The following LOC122539214 variants were observed in gnomAD, a reference collection of about 807,000 sequenced individuals.
At chr19:52,680,311 A>T in the LOC122539214 span, among the ~76,000 whole-genome samples, 2 of 152,158 alleles carry the variant, frequency 1.3e-5, no homozygotes, top group Admixed American at 1.3e-4. Context: ...GACTCTAGGT[A>T]CCTGTAGCTC....
chr19:52,653,309 A>G, the LOC122539214 span: 43 of 1,348,890 alleles, frequency 3.2e-5, no homozygotes, highest in Non-Finnish European at 4.4e-5. Context: ...CATTCATTAC[A>G]TGTGTAAGGT....
the LOC122539214 span, chr19:52,652,410 G>A: frequency 2.7e-6 from 1 of 365,084 alleles, no homozygotes; most frequent in Non-Finnish European, 5.3e-6. Flanking sequence ...ACCCCAGCCT[G>A]GACAAAAGAG....
At chr19:52,670,592 A>T in the LOC122539214 span, among the ~76,000 whole-genome samples, 1 of 152,212 alleles carries the variant, frequency 6.6e-6, no homozygotes, top group Non-Finnish European at 1.5e-5. Flanking sequence ...GAAAAGAGTC[A>T]AACTCTGTAA....
the LOC122539214 span, among the ~76,000 whole-genome samples, chr19:52,672,304 A>G: frequency 1.4e-4 from 22 of 152,342 alleles, no homozygotes; most frequent in African/African-American, 4.1e-4. Flanking sequence ...TTTTATGACT[A>G]TATCTGTAAG....
the LOC122539214 span, among the ~76,000 whole-genome samples, chr19:52,685,885 G>A: frequency 7.7e-6 from 1 of 129,632 alleles, no homozygotes; most frequent in African/African-American, 2.9e-5. Context: ...GGGAACAAGA[G>A]TGTAACTGTC....
At chr19:52,683,661 C>T in the LOC122539214 span, among the ~76,000 whole-genome samples, 1 of 152,188 alleles carries the variant, frequency 6.6e-6, no homozygotes, top group African/African-American at 2.4e-5. Context: ...GCTGAAGATG[C>T]AGGGTCTGGT....
chr19:52,652,965 C>T, the LOC122539214 span: 1 of 1,296,954 alleles, frequency 7.7e-7, no homozygotes, highest in Non-Finnish European at 1.1e-6. Context: ...TCTTGCCACA[C>T]TCATTACACC....
At chr19:52,662,732 G>T in the LOC122539214 span, among the ~76,000 whole-genome samples, 2 of 152,076 alleles carry the variant, frequency 1.3e-5, no homozygotes, top group African/African-American at 4.8e-5. Flanking sequence ...TACAGATGGG[G>T]GTCACTGAGG....
At chr19:52,687,610 TA>T in the LOC122539214 span, among the ~76,000 whole-genome samples, 16 of 30,016 alleles carry the variant, frequency 5.3e-4, no homozygotes, top group African/African-American at 6.2e-3. Flanking sequence ...TATATATATA[TA>T]ATGTGTATAT....
chr19:52,655,327 G>A, the LOC122539214 span: 11 of 406,472 alleles, frequency 2.7e-5, no homozygotes, highest in Non-Finnish European at 4.4e-5. Flanking sequence ...GCAGGATGAC[G>A]TTCAATTCTA....
chr19:52,668,975 TTATGTC>T, the LOC122539214 span, among the ~76,000 whole-genome samples: 1 of 152,204 alleles, frequency 6.6e-6, no homozygotes, highest in South Asian at 2.1e-4. Context: ...TAAGTTCACT[TTATGTC>T]CCTCATGACA....
At chr19:52,675,830 T>G in the LOC122539214 span, among the ~76,000 whole-genome samples, 2 of 152,152 alleles carry the variant, frequency 1.3e-5, no homozygotes, top group African/African-American at 4.8e-5. Flanking sequence ...TGGAACTAAT[T>G]TAGCAAATGG....
the LOC122539214 span, among the ~76,000 whole-genome samples, chr19:52,683,389 C>CT: frequency 6.6e-6 from 1 of 152,128 alleles, no homozygotes; most frequent in Non-Finnish European, 1.5e-5. Flanking sequence ...TGTTTGCACT[C>CT]TGATTCTTGG....
the LOC122539214 span, among the ~76,000 whole-genome samples, chr19:52,683,282 A>G: frequency 1.0e-3 from 86 of 85,746 alleles, no homozygotes; most frequent in South Asian, 2.5e-3. Context: ...GTGTGTGTGT[A>G]TGCTCACGTG....
the LOC122539214 span, chr19:52,653,423 T>C: frequency 1.2e-6 from 1 of 826,842 alleles, no homozygotes; most frequent in Non-Finnish European, 2.0e-6. Context: ...GTATGAACTC[T>C]GTTATGGCGT....
chr19:52,689,129 A>C, the LOC122539214 span, among the ~76,000 whole-genome samples: 1 of 152,200 alleles, frequency 6.6e-6, no homozygotes, highest in South Asian at 2.1e-4. Flanking sequence ...TATAGATTAC[A>C]CAACCTGTCA....
chr19:52,662,418 G>C, the LOC122539214 span, among the ~76,000 whole-genome samples: 1 of 152,170 alleles, frequency 6.6e-6, no homozygotes, highest in African/African-American at 2.4e-5. Flanking sequence ...TCAGGGGAGA[G>C]GCCTGTAGGG....
the LOC122539214 span, among the ~76,000 whole-genome samples, chr19:52,670,829 A>G: frequency 1.3e-5 from 2 of 152,326 alleles, no homozygotes; most frequent in South Asian, 4.1e-4. Flanking sequence ...GGTAAATTTA[A>G]ACATTTTCTG....
At chr19:52,670,833 T>G in the LOC122539214 span, among the ~76,000 whole-genome samples, 1 of 152,182 alleles carries the variant, frequency 6.6e-6, no homozygotes, top group Non-Finnish European at 1.5e-5. Context: ...AATTTAAACA[T>G]TTTCTGATTA....
Sources: gnomAD v4.1 joint callset for allele counts (sites outside exome capture counted in the v4.1 genomes callset) on GRCh38, gnomAD v4.1.1 for gene constraint, MANE v1.5 for transcripts.